The following C1orf21 variants were observed in gnomAD, a reference collection of about 807,000 sequenced individuals.
C1orf21 encodes the protein chromosome 1 open reading frame 21, also known as uncharacterized protein C1orf21.
C1orf21 carries 3 observed loss-of-function variants against 18.7 expected under a neutral mutation model. The observed-to-expected ratio is 0.16, with a 90% confidence interval of 0.07 to 0.42. The LOEUF is 0.42. C1orf21 is among the 10% of genes least tolerant of loss of function. The probability of loss-of-function intolerance (pLI) is 0.99; values close to 1 mark genes in which losing one functional copy is unlikely to be tolerated. For missense variants in C1orf21, 104 were observed against 143.6 expected (o/e 0.72, Z 1.41); for synonymous variants, 41 against 46.4 (o/e 0.88, Z 0.47).
chr1:184,402,635 C>A (rs1656174824), intron 1 of C1orf21, among the ~76,000 whole-genome samples: 1 of 148,206 alleles, frequency 6.7e-6, no homozygotes, highest in Admixed American at 6.7e-5. Flanking sequence ...AAAAAAAAGT[C>A]CATCTTTTTC....
chr1:184,568,119 T>G (rs12735278), intron 3 of C1orf21, among the ~76,000 whole-genome samples: 9,259 of 152,270 alleles, frequency 0.061, 357 homozygotes, highest in Non-Finnish European at 0.07. Flanking sequence ...AAGTTTGAAG[T>G]GATACCCTTG....
intron 3 of C1orf21, chr1:184,568,398 C>T (rs907220793): frequency 4.3e-6 from 2 of 469,578 alleles, no homozygotes; most frequent in Admixed American, 2.4e-5. Flanking sequence ...TGTTCCCAGT[C>T]ACTGGCAACC....
intron 1 of C1orf21, among the ~76,000 whole-genome samples, chr1:184,444,335 G>A (rs1656995555): frequency 6.6e-6 from 1 of 152,100 alleles, no homozygotes; most frequent in South Asian, 2.1e-4. Context: ...GACCCGGTGG[G>A]AGATAATTTG....
chr1:184,426,999 G>A (rs1656647338), intron 1 of C1orf21, among the ~76,000 whole-genome samples: 1 of 152,166 alleles, frequency 6.6e-6, no homozygotes. Flanking sequence ...ACAGCCAATG[G>A]AGAGGATCAA....
intron 5 of C1orf21, among the ~76,000 whole-genome samples, chr1:184,608,343 T>C (rs1659680221): frequency 6.6e-6 from 1 of 152,248 alleles, no homozygotes; most frequent in African/African-American, 2.4e-5. Flanking sequence ...GTCACTGGCT[T>C]TGCTACACCT....
chr1:184,587,570 A>G (rs1474469662), intron 3 of C1orf21, among the ~76,000 whole-genome samples: 2 of 127,952 alleles, frequency 1.6e-5, no homozygotes, highest in East Asian at 2.4e-4. Flanking sequence ...GTGTGTGTGT[A>G]GTGAATGGGA....
intron 3 of C1orf21, among the ~76,000 whole-genome samples, chr1:184,547,172 A>G (rs548302594): frequency 6.6e-6 from 1 of 152,302 alleles, no homozygotes; most frequent in African/African-American, 2.4e-5. Flanking sequence ...GTAGGTTGAT[A>G]CAAAGCCGGA....
intron 3 of C1orf21, among the ~76,000 whole-genome samples, chr1:184,540,971 G>A (rs2101977495): frequency 6.6e-6 from 1 of 152,264 alleles, no homozygotes; most frequent in African/African-American, 2.4e-5. Flanking sequence ...GCTAACAATT[G>A]TTGTATGCTT....
intron 3 of C1orf21, among the ~76,000 whole-genome samples, chr1:184,574,246 G>A (rs1659154577): frequency 6.6e-6 from 1 of 151,970 alleles, no homozygotes; most frequent in Admixed American, 6.6e-5. Context: ...TATATACCTT[G>A]GAAACATCGG....
chr1:184,574,005 G>C (rs572390102), intron 3 of C1orf21, among the ~76,000 whole-genome samples: 1 of 152,098 alleles, frequency 6.6e-6, no homozygotes, highest in East Asian at 1.9e-4. Context: ...GACCAGCCTA[G>C]CCAACATGGC....
chr1:184,554,506 A>AT (rs1658852525), intron 3 of C1orf21, among the ~76,000 whole-genome samples: 1 of 152,182 alleles, frequency 6.6e-6, no homozygotes, highest in African/African-American at 2.4e-5. Context: ...ATAAAAGGAA[A>AT]TTTTGCTGTG....
chr1:184,499,685 C>A (rs988229467), intron 2 of C1orf21, among the ~76,000 whole-genome samples: 2 of 150,156 alleles, frequency 1.3e-5, no homozygotes, highest in Non-Finnish European at 3.0e-5. Flanking sequence ...AAAAAAAAAA[C>A]TGACTTGGTA....
At chr1:184,396,815 A>G (rs549624889) in intron 1 of C1orf21, among the ~76,000 whole-genome samples, 1 of 152,226 alleles carries the variant, frequency 6.6e-6, no homozygotes, top group South Asian at 2.1e-4. Context: ...TATTTGATTA[A>G]TGCTAATAAC....
chr1:184,411,498 T>C (rs1158674204), intron 1 of C1orf21, among the ~76,000 whole-genome samples: 1 of 144,294 alleles, frequency 6.9e-6, no homozygotes, highest in Non-Finnish European at 1.5e-5. Flanking sequence ...CTCGGCTCAC[T>C]GCAAGCTCCG....
intron 1 of C1orf21, among the ~76,000 whole-genome samples, chr1:184,465,263 A>G (rs1657373044): frequency 1.3e-5 from 2 of 152,238 alleles, no homozygotes; most frequent in Non-Finnish European, 2.9e-5. Context: ...GTGATAATTT[A>G]TTAGAAGTAA....
At chr1:184,411,323 A>G (rs946899302) in intron 1 of C1orf21, among the ~76,000 whole-genome samples, 1 of 152,074 alleles carries the variant, frequency 6.6e-6, no homozygotes, top group African/African-American at 2.4e-5. Context: ...CTTGCTGGGC[A>G]GCTTTCCATA....
At chr1:184,569,815 T>C (rs991512029) in intron 3 of C1orf21, among the ~76,000 whole-genome samples, 1 of 152,224 alleles carries the variant, frequency 6.6e-6, no homozygotes, top group African/African-American at 2.4e-5. Context: ...CTAGGGTTGG[T>C]AAAGGACTTA....
At position 184,512,028 on chromosome 1, in the gene C1orf21, C is replaced by T. The variant is rs191395036; in HGVS notation, c.189+4346C>T. On this transcript the variant is annotated intron_variant, in intron 3 of 5. Transcript: ENST00000235307. The stretch of plus-strand genomic sequence containing the variant: ...TATCACTTGAGTGTAAATGGGGCAG[C>T]CAAAAGGAAAAGAAGAGACAATGGT... Among the ~76,000 whole-genome samples, 17 of 152,218 alleles carry T rather than the reference C, an allele frequency of 1.1e-4. No individual in the cohort carries two copies. The East Asian group carries it at 2.3e-3, about 21-fold the overall frequency.
chr1:184,467,629 A>G (rs1378770235), intron 1 of C1orf21, among the ~76,000 whole-genome samples: 1 of 152,172 alleles, frequency 6.6e-6, no homozygotes, highest in African/African-American at 2.4e-5. Context: ...CCTAAAAACC[A>G]CCAAGCTGCC....
Sources: gnomAD v4.1 joint callset for allele counts (sites outside exome capture counted in the v4.1 genomes callset) on GRCh38, gnomAD v4.1.1 for gene constraint, MANE v1.5 for transcripts, NCBI Gene and HGNC (gene_info 2026-07-23, HGNC 2026-07-21) for gene names.